Variants in BAZ1A observed in about 807,000 individuals in gnomAD.
The protein encoded by BAZ1A is bromodomain adjacent to zinc finger domain protein 1A.
BAZ1A carries 50 observed loss-of-function variants against 185.2 expected under a neutral mutation model. The observed-to-expected ratio is 0.27, with a 90% CI of 0.22 to 0.34. The LOEUF (loss-of-function observed/expected upper bound fraction) is 0.34. Ranked by LOEUF, BAZ1A falls within the 10% of genes least tolerant of loss-of-function variation. The pLI is 1.00. For missense variants in BAZ1A, 1,356 were observed against 1,839.9 expected (o/e 0.74, Z 4.81); for synonymous variants, 571 against 615.6 (o/e 0.93, Z 1.07).
At chr14:34,758,339 T>G (rs1184521984) in intron 25 of BAZ1A, among the ~76,000 whole-genome samples, 4 of 148,548 alleles carry the variant, frequency 2.7e-5, no homozygotes, top group Admixed American at 2.7e-4. Flanking sequence ...CCCACCACTT[T>G]GGGGGGCCGA....
rs10147109 is a variant in BAZ1A at position 34,768,442 on chromosome 14, A to G, written c.3301+3069T>C. 9.7e-3 allele frequency among the ~76,000 whole-genome samples: 1,475 copies of G among 152,270 alleles called. 25 individuals carry two copies. The highest frequency in any genetic ancestry group is 0.034 in the African/African-American group (1,410 of 41,548). On this transcript the variant is annotated intron_variant, in intron 21 of 26. Coordinates refer to ENST00000360310, the MANE Select transcript of BAZ1A (RefSeq NM_013448.3). ...TTCACTAATAGCTAAGTATACAAAG[A>G]TTCACCGGTGTCAACTTTCTATATG...
intron 2 of BAZ1A, among the ~76,000 whole-genome samples, chr14:34,866,502 A>AAAAAAAAAAAAAAAAAAAAAAAAAAAG: frequency 1.1e-4 from 9 of 79,538 alleles, no homozygotes; most frequent in East Asian, 2.7e-4. Flanking sequence ...AAAAAAAAAA[A>AAAAAAAAAAAAAAAAAAAAAAAAAAAG]GAAAAAAGTT....
chr14:34,769,342 T>C (rs955236315), intron 21 of BAZ1A, among the ~76,000 whole-genome samples: 8 of 152,188 alleles, frequency 5.3e-5, no homozygotes, highest in Non-Finnish European at 1.2e-4. Context: ...AACATTTGAC[T>C]TCAACCAATA....
intron 25 of BAZ1A, among the ~76,000 whole-genome samples, chr14:34,755,435 C>A (rs190367515): frequency 1.3e-5 from 2 of 152,244 alleles, no homozygotes; most frequent in East Asian, 1.9e-4. Flanking sequence ...GACTTTCTAA[C>A]CCAACCTCAT....
At chr14:34,811,089 T>A in intron 4 of BAZ1A, 53 bp from the exon 5 acceptor site, 2 of 1,283,244 alleles carry the variant, frequency 1.6e-6, no homozygotes, top group Non-Finnish European at 2.2e-6. Flanking sequence ...GAAAATGAAA[T>A]TTTAAATGAA....
At chr14:34,851,629 G>A (rs182232848) in intron 3 of BAZ1A, among the ~76,000 whole-genome samples, 111 of 151,736 alleles carry the variant, frequency 7.3e-4, no homozygotes, top group Middle Eastern at 3.4e-3. Context: ...CCAGCGTTTC[G>A]TTAAACAATG....
At chr14:34,785,439 TCAAA>T (rs1187290422) in intron 14 of BAZ1A, among the ~76,000 whole-genome samples, 2 of 152,162 alleles carry the variant, frequency 1.3e-5, no homozygotes, top group African/African-American at 4.8e-5. Context: ...TTCTCATACC[TCAAA>T]CACTTATTCA....
chr14:34,762,304 T>C (rs1886559627), intron 23 of BAZ1A, 81 bp from the exon 24 acceptor site: 6 of 1,337,996 alleles, frequency 4.5e-6, no homozygotes, highest in Admixed American at 4.3e-5. Context: ...TTGTTGTATT[T>C]AGCCAATGAG....
Position 34,786,109 on chromosome 14 carries a change from AC to A in BAZ1A, c.1606+16del, listed in dbSNP as rs747412157. 561 of 1,578,748 alleles carry A rather than the reference AC, an allele frequency of 3.6e-4. No homozygotes were observed. Among genetic ancestry groups the A allele is most frequent in the Non-Finnish European group, 4.7e-4 (545 of 1,170,078 alleles). The stretch of plus-strand genomic sequence containing the variant: ...AAATAAAAAGCCAAACAAAAAAAAA[AC>A]AAAACCCACACATACCCTGGTGTAA... On this transcript the variant is annotated intron_variant, in intron 13 of 26. Coordinates refer to ENST00000360310, the MANE Select transcript of BAZ1A (RefSeq NM_013448.3).
chr14:34,781,504 A>G (rs1004605403), intron 16 of BAZ1A, among the ~76,000 whole-genome samples: 1 of 148,492 alleles, frequency 6.7e-6, no homozygotes, highest in African/African-American at 2.5e-5. Flanking sequence ...GTCATACAAC[A>G]TGTGATCTTT....
chr14:34,821,593 G>T (rs1386983649), intron 4 of BAZ1A, among the ~76,000 whole-genome samples: 1 of 152,212 alleles, frequency 6.6e-6, no homozygotes, highest in South Asian at 2.1e-4. Flanking sequence ...ATCTGATGAT[G>T]TCTAGATATA....
intron 4 of BAZ1A, chr14:34,816,611 CAGATT>C (rs2042010225): frequency 5.6e-6 from 1 of 179,750 alleles, no homozygotes; most frequent in South Asian, 9.3e-5. Context: ...ATCACAATAA[CAGATT>C]ATATTATTAG....
intron 14 of BAZ1A, among the ~76,000 whole-genome samples, chr14:34,784,290 C>A (rs1345416074): frequency 1.4e-5 from 2 of 141,268 alleles, no homozygotes; most frequent in Admixed American, 1.6e-4. Flanking sequence ...ATTGCTTGAA[C>A]CCGGGAGGCG....
At chr14:34,854,867 G>T (rs1320612637) in intron 3 of BAZ1A, among the ~76,000 whole-genome samples, 1 of 152,122 alleles carries the variant, frequency 6.6e-6, no homozygotes, top group Non-Finnish European at 1.5e-5. Flanking sequence ...ATCACCTGAG[G>T]TCAGGAGTTC....
intron 12 of BAZ1A, among the ~76,000 whole-genome samples, chr14:34,788,055 G>A (rs1321132726): frequency 2.0e-5 from 3 of 150,862 alleles, no homozygotes; most frequent in Admixed American, 6.6e-5. Context: ...GTCTCACTCT[G>A]TCACCCAGGC....
rs1470673199 is a variant in BAZ1A, at chr14:34,874,627, C to A, written c.-23G>T. 1.3e-6 allele frequency: 2 copies of A among 1,581,258 alleles called. No homozygotes were observed. The highest frequency in any genetic ancestry group is 8.6e-7 in the Non-Finnish European group (1 of 1,161,144). On this transcript the variant is annotated 5_prime_UTR_variant, in exon 2 of 27. Transcript: ENST00000360310. This position sits in a 1 kb window ranked among gnomAD's most constrained non-coding sequence, Gnocchi z 4.7. Reference sequence around the variant, plus strand: ...CATCTCCCGTCCGCCCGCGGGCTCGCCTGGACCCTCGGCCGCCCGCGCCGG... The same window carrying A: ...CATCTCCCGTCCGCCCGCGGGCTCGACTGGACCCTCGGCCGCCCGCGCCGG...
intron 5 of BAZ1A, 130 bp downstream of exon 5, chr14:34,810,805 T>A (rs540252676): frequency 1.4e-6 from 1 of 698,626 alleles, no homozygotes; most frequent in Non-Finnish European, 2.4e-6. Context: ...TATGAACATA[T>A]AAATGTACAT....
intron 25 of BAZ1A, among the ~76,000 whole-genome samples, chr14:34,758,389 G>A (rs1395419912): frequency 6.6e-6 from 1 of 151,936 alleles, no homozygotes; most frequent in African/African-American, 2.4e-5. Context: ...AGACCAGCCT[G>A]ACCAACATGT....
At chr14:34,759,877 G>A in intron 24 of BAZ1A, among the ~76,000 whole-genome samples, 1 of 152,002 alleles carries the variant, frequency 6.6e-6, no homozygotes. Flanking sequence ...GTTTCACTGT[G>A]TTGGCCAGGC....
Sources: gnomAD v4.1 joint callset for allele counts (sites outside exome capture counted in the v4.1 genomes callset) on GRCh38, gnomAD v4.1.1 for gene constraint, Gnocchi (gnomAD v3.1) non-coding constraint, MANE v1.5 for transcripts, NCBI Gene and HGNC (gene_info 2026-07-23, HGNC 2026-07-21) for gene names.